KCND2: variants seen among roughly 807,000 people sequenced by gnomAD.
KCND2 encodes the protein potassium voltage-gated channel subfamily D member 2, also known as A-type voltage-gated potassium channel KCND2.
A neutral mutation model predicts 54.4 loss-of-function variants in KCND2; 16 were observed. That is an observed-to-expected ratio of 0.29 (90% CI 0.20 to 0.45). The LOEUF (loss-of-function observed/expected upper bound fraction) is 0.45, where lower values mean the gene tolerates loss of function less well. Among genes scored for constraint, KCND2 ranks in the 20% least tolerant of loss-of-function variants. The pLI is 1.00. For missense variants in KCND2, 486 were observed against 824.2 expected (o/e 0.59, Z 5.02); for synonymous variants, 317 against 310.7 (o/e 1.02, Z -0.21).
intron 1 of KCND2, among the ~76,000 whole-genome samples, chr7:120,516,894 G>T (rs1272400286): frequency 6.6e-6 from 1 of 152,066 alleles, no homozygotes; most frequent in African/African-American, 2.4e-5. Flanking sequence ...ATGTGAACAG[G>T]CTCTAGAGAA....
chr7:120,283,373 G>T (rs1799293793), intron 1 of KCND2, among the ~76,000 whole-genome samples: 1 of 152,132 alleles, frequency 6.6e-6, no homozygotes, highest in African/African-American at 2.4e-5. Context: ...GATAGGATAT[G>T]ATTTCTGTGT....
At chr7:120,646,540 C>T (rs1239613795) in intron 1 of KCND2, among the ~76,000 whole-genome samples, 1 of 152,084 alleles carries the variant, frequency 6.6e-6, no homozygotes, top group Non-Finnish European at 1.5e-5. Context: ...CTGTCATCAC[C>T]CTTCTTCATG....
chr7:120,485,901 G>C (rs1055147682), intron 1 of KCND2, among the ~76,000 whole-genome samples: 1 of 152,190 alleles, frequency 6.6e-6, no homozygotes, highest in Admixed American at 6.5e-5. Context: ...TACAGAAAGT[G>C]TTTGATAAAT....
chr7:120,430,723 T>TC (rs1176195282), intron 1 of KCND2, among the ~76,000 whole-genome samples: 3 of 152,186 alleles, frequency 2.0e-5, no homozygotes, highest in Non-Finnish European at 4.4e-5. Context: ...GATGTTTTAT[T>TC]CACATACATT....
intron 1 of KCND2, among the ~76,000 whole-genome samples, chr7:120,630,542 CTTA>C (rs1165722840): frequency 6.6e-6 from 1 of 151,912 alleles, no homozygotes; most frequent in Non-Finnish European, 1.5e-5. Context: ...TTCATAACAG[CTTA>C]TTATTAATTT....
intron 2 of KCND2, among the ~76,000 whole-genome samples, chr7:120,735,418 A>G (rs950992446): frequency 4.6e-5 from 7 of 152,220 alleles, no homozygotes; most frequent in East Asian, 1.9e-4. Context: ...CCACCCATCT[A>G]TCTCCATTCT....
intron 1 of KCND2, among the ~76,000 whole-genome samples, chr7:120,441,007 G>A (rs1801938040): frequency 6.6e-6 from 1 of 151,762 alleles, no homozygotes; most frequent in Non-Finnish European, 1.5e-5. Flanking sequence ...ACACAGATGT[G>A]GGTACATGAA....
intron 3 of KCND2, chr7:120,742,250 T>C (rs1792950767): frequency 6.8e-6 from 3 of 438,140 alleles, no homozygotes; most frequent in Non-Finnish European, 1.3e-5. Flanking sequence ...CTTACAAACA[T>C]AGTTGCTAGT....
intron 1 of KCND2, among the ~76,000 whole-genome samples, chr7:120,676,378 G>C (rs761313504): frequency 3.3e-5 from 5 of 152,120 alleles, no homozygotes; most frequent in Middle Eastern, 3.4e-3. Flanking sequence ...TTTAGTTGCA[G>C]TTTAGACATC....
chr7:120,435,732 G>GATATATAT (rs112011873), intron 1 of KCND2, among the ~76,000 whole-genome samples: 1 of 148,594 alleles, frequency 6.7e-6, no homozygotes, highest in African/African-American at 2.5e-5. Flanking sequence ...CTAACCAGTG[G>GATATATAT]ATATATATAT....
intron 1 of KCND2, among the ~76,000 whole-genome samples, chr7:120,630,480 A>T (rs1793219768): frequency 6.6e-6 from 1 of 152,172 alleles, no homozygotes; most frequent in Non-Finnish European, 1.5e-5. Flanking sequence ...CCATTCCTTC[A>T]GGTATATATG....
intron 1 of KCND2, among the ~76,000 whole-genome samples, chr7:120,659,877 G>T (rs1469622263): frequency 6.6e-6 from 1 of 152,142 alleles, no homozygotes; most frequent in East Asian, 1.9e-4. Flanking sequence ...AATAGACATA[G>T]AAGCAGACCC....
chr7:120,624,901 A>G (rs1263652897), intron 1 of KCND2, among the ~76,000 whole-genome samples: 2 of 152,348 alleles, frequency 1.3e-5, no homozygotes, highest in East Asian at 3.9e-4. Context: ...ATGGTAGAGC[A>G]AGCAAGCAGT....
chr7:120,476,727 T>C (rs1802539092), intron 1 of KCND2, among the ~76,000 whole-genome samples: 1 of 152,184 alleles, frequency 6.6e-6, no homozygotes, highest in African/African-American at 2.4e-5. Context: ...AAAATATCCA[T>C]TATACTCTCT....
At chr7:120,735,128 G>A (rs542170560) in intron 2 of KCND2, among the ~76,000 whole-genome samples, 28 of 152,084 alleles carry the variant, frequency 1.8e-4, no homozygotes, top group African/African-American at 6.3e-4. Context: ...TTATTACAGA[G>A]AAGAGTTAGA....
intron 1 of KCND2, among the ~76,000 whole-genome samples, chr7:120,579,320 T>G (rs1165246390): frequency 6.6e-6 from 1 of 152,032 alleles, no homozygotes; most frequent in Non-Finnish European, 1.5e-5. Context: ...AAATATTACA[T>G]TGGTCTGGGC....
intron 1 of KCND2, among the ~76,000 whole-genome samples, chr7:120,601,040 A>T (rs549347967): frequency 6.6e-6 from 1 of 152,126 alleles, no homozygotes; most frequent in African/African-American, 2.4e-5. Flanking sequence ...TGTTTTAATA[A>T]CAGTTAATAA....
chr7:120,747,564 T>C (rs1009955023), intron 5 of KCND2, 117 bp from the exon 6 acceptor site: 1 of 706,486 alleles, frequency 1.4e-6, no homozygotes, highest in Non-Finnish European at 2.4e-6. Context: ...TTAATTATAA[T>C]AACTTTCCTT....
intron 1 of KCND2, among the ~76,000 whole-genome samples, chr7:120,332,280 TC>T (rs1469849809): frequency 1.3e-5 from 2 of 152,098 alleles, no homozygotes; most frequent in African/African-American, 4.8e-5. Context: ...ACTTTTGGAA[TC>T]ATTTTAAAAT....
Sources: gnomAD v4.1 joint callset for allele counts (sites outside exome capture counted in the v4.1 genomes callset) on GRCh38, gnomAD v4.1.1 for gene constraint, MANE v1.5 for transcripts, NCBI Gene and HGNC (gene_info 2026-07-23, HGNC 2026-07-21) for gene names.